Variants in HHAT observed in about 807,000 individuals in gnomAD.
The protein encoded by HHAT is protein-cysteine N-palmitoyltransferase HHAT.
Under a neutral mutation model 70.8 loss-of-function variants are expected in HHAT, and 47 were observed. That is an observed-to-expected ratio of 0.66 (90% CI 0.53 to 0.85). The LOEUF (loss-of-function observed/expected upper bound fraction) is 0.85, where lower values mean the gene tolerates loss of function less well. Ranked by LOEUF, HHAT falls within the 40% of genes least tolerant of loss-of-function variation. HHAT has a pLI of 0.00. For synonymous variants in HHAT, 228 were observed against 247.6 expected (o/e 0.92, Z 0.74); for missense variants, 609 against 604.8 (o/e 1.01, Z -0.07).
chr1:210,334,381 C>T (rs1309647715), intron 1 of HHAT, among the ~76,000 whole-genome samples: 3 of 151,766 alleles, frequency 2.0e-5, no homozygotes, highest in African/African-American at 7.3e-5. Flanking sequence ...GTCTCAAACT[C>T]CTGGGCTCAA....
chr1:210,429,501 T>G (rs1363046433), intron 7 of HHAT, among the ~76,000 whole-genome samples: 1 of 151,878 alleles, frequency 6.6e-6, no homozygotes, highest in African/African-American at 2.4e-5. Context: ...TTTTTAAAAT[T>G]GCGTTATTCT....
chr1:210,647,184 A>G (rs1674229066), intron 11 of HHAT, among the ~76,000 whole-genome samples: 1 of 152,196 alleles, frequency 6.6e-6, no homozygotes, highest in African/African-American at 2.4e-5. Flanking sequence ...TGTTCCTTGG[A>G]TTGTAGCTAC....
rs532605659 is a variant in HHAT at position 210,661,446 on chromosome 1, T to G, written c.1391-12842T>G. Among the ~76,000 whole-genome samples, 50 of 152,302 alleles carry G rather than the reference T, an allele frequency of 3.3e-4. No individual in the cohort carries two copies. The East Asian group carries it at 6.8e-3, about 21-fold the overall frequency. On this transcript the variant is annotated intron_variant, in intron 11 of 11. Coordinates refer to ENST00000261458, the MANE Select transcript of HHAT (RefSeq NM_018194.6). ...GGAGAAACAGGAACACTTTTACACT[T>G]TTGGTGGGAGTGTAAACTAGTTCAA...
At chr1:210,534,345 T>C (rs1056191267) in intron 9 of HHAT, among the ~76,000 whole-genome samples, 2 of 152,226 alleles carry the variant, frequency 1.3e-5, no homozygotes, top group Admixed American at 6.5e-5. Context: ...TGGGAGATGA[T>C]TATTCACACT....
At chr1:210,523,103 T>G (rs1192059153) in intron 9 of HHAT, among the ~76,000 whole-genome samples, 1 of 152,040 alleles carries the variant, frequency 6.6e-6, no homozygotes, top group Non-Finnish European at 1.5e-5. Flanking sequence ...TGGCCATCCA[T>G]CAGTCTCACA....
At chr1:210,607,851 C>T (rs1480083820) in intron 10 of HHAT, among the ~76,000 whole-genome samples, 1 of 152,050 alleles carries the variant, frequency 6.6e-6, no homozygotes, top group Non-Finnish European at 1.5e-5. Context: ...CACCCCCTAA[C>T]AACCACACCC....
intron 9 of HHAT, among the ~76,000 whole-genome samples, chr1:210,523,530 G>A (rs1444392298): frequency 1.3e-5 from 2 of 152,168 alleles, no homozygotes; most frequent in East Asian, 1.9e-4. Context: ...CCAGGAATCA[G>A]TATAATTGTG....
chr1:210,344,428 G>A lies in HHAT; in HGVS notation c.-43-4505G>A, dbSNP rs147191296. Among the ~76,000 whole-genome samples, 670 of 152,242 alleles carry A rather than the reference G, an allele frequency of 4.4e-3. 1 individual carries two copies. The highest frequency in any genetic ancestry group is 7.7e-3 in the Non-Finnish European group (522 of 68,012). On this transcript the variant is annotated intron_variant, in intron 1 of 11. Transcript: ENST00000261458. ...TGGTTTCCTCCCACATCCCACAGCT[G>A]TGCCCATTAGGTGAATTGGTGTGTC...
At chr1:210,332,507 GT>G (rs1327619409) in intron 1 of HHAT, among the ~76,000 whole-genome samples, 1 of 152,180 alleles carries the variant, frequency 6.6e-6, no homozygotes, top group Non-Finnish European at 1.5e-5. Flanking sequence ...AATTCGCCTA[GT>G]TTACTCTTCA....
At chr1:210,525,752 A>G (rs1010155982) in intron 9 of HHAT, among the ~76,000 whole-genome samples, 15 of 152,302 alleles carry the variant, frequency 9.8e-5, no homozygotes, top group African/African-American at 3.6e-4. Context: ...TTTTAAAAAA[A>G]ATTAAAAAGA....
At chr1:210,436,979 TCA>T (rs954229190) in intron 7 of HHAT, among the ~76,000 whole-genome samples, 3 of 151,982 alleles carry the variant, frequency 2.0e-5, no homozygotes, top group African/African-American at 7.3e-5. Flanking sequence ...ACCAAGCACA[TCA>T]CAGAGTTTCA....
At chr1:210,491,083 G>GTGTGTGTC (rs997930532) in intron 8 of HHAT, among the ~76,000 whole-genome samples, 43 of 151,882 alleles carry the variant, frequency 2.8e-4, no homozygotes, top group African/African-American at 1.0e-3. Context: ...GTGTGTGTGT[G>GTGTGTGTC]TGTCTGTGTG....
intron 7 of HHAT, among the ~76,000 whole-genome samples, chr1:210,424,423 T>TAA (rs2092997167): frequency 6.7e-6 from 1 of 148,248 alleles, no homozygotes; most frequent in Non-Finnish European, 1.5e-5. Context: ...GGTAGAGTCT[T>TAA]TAGGTTTTTT....
At chr1:210,623,800 A>C in intron 11 of HHAT, 130 bp downstream of exon 11, 1 of 961,572 alleles carries the variant, frequency 1.0e-6, no homozygotes, top group Non-Finnish European at 1.5e-6. Flanking sequence ...TGACCTCTAA[A>C]GTACCAGCCA....
chr1:210,387,391 G>C, intron 3 of HHAT, 77 bp from the exon 4 acceptor site: 1 of 1,254,446 alleles, frequency 8.0e-7, no homozygotes, highest in South Asian at 1.2e-5. Context: ...CTTCTTTCCA[G>C]TTTTATTAAC....
At chr1:210,634,098 T>C (rs1469893911) in intron 11 of HHAT, among the ~76,000 whole-genome samples, 2 of 152,226 alleles carry the variant, frequency 1.3e-5, no homozygotes, top group African/African-American at 2.4e-5. Flanking sequence ...AAAAAAGTTA[T>C]TGTATTTCTT....
intron 8 of HHAT, among the ~76,000 whole-genome samples, chr1:210,483,100 G>C (rs893338018): frequency 1.3e-5 from 2 of 152,182 alleles, no homozygotes; most frequent in Non-Finnish European, 2.9e-5. Context: ...TTTACCACCA[G>C]TAAATGTAAC....
chr1:210,597,251 A>G (rs1663211004), intron 10 of HHAT, among the ~76,000 whole-genome samples: 1 of 152,208 alleles, frequency 6.6e-6, no homozygotes, highest in Non-Finnish European at 1.5e-5. Context: ...GTGGGCCACC[A>G]CTACTGGGAC....
At chr1:210,440,017 A>G (rs2093469041) in intron 7 of HHAT, among the ~76,000 whole-genome samples, 1 of 151,852 alleles carries the variant, frequency 6.6e-6, no homozygotes, top group Non-Finnish European at 1.5e-5. Context: ...GAGCCCGCTG[A>G]CTAGAAGAGA....
Sources: gnomAD v4.1 joint callset for allele counts (sites outside exome capture counted in the v4.1 genomes callset) on GRCh38, gnomAD v4.1.1 for gene constraint, MANE v1.5 for transcripts, NCBI Gene and HGNC (gene_info 2026-07-23, HGNC 2026-07-21) for gene names.